Variants in ACO2 observed in about 807,000 individuals in gnomAD.
ACO2 encodes the protein aconitase 2, also known as aconitate hydratase, mitochondrial.
A neutral mutation model predicts 84.5 loss-of-function variants in ACO2; 31 were observed. That is an observed-to-expected ratio of 0.37 (90% CI 0.28 to 0.50). ACO2 has a LOEUF of 0.50. ACO2 is among the 20% of genes least tolerant of loss of function. ACO2 has a pLI of 0.97. For missense variants in ACO2, 685 were observed against 1,029.3 expected (o/e 0.67, Z 4.58); for synonymous variants, 414 against 412.7 (o/e 1.00, Z -0.04).
intron 1 of ACO2, among the ~76,000 whole-genome samples, chr22:41,487,058 A>G (rs960118800): frequency 6.6e-6 from 1 of 151,606 alleles, no homozygotes; most frequent in Non-Finnish European, 1.5e-5. Flanking sequence ...TAATTTTTGT[A>G]TTTTTGATAG....
chr22:41,522,232 T>C (rs1308340891), intron 9 of ACO2, among the ~76,000 whole-genome samples: 1 of 152,048 alleles, frequency 6.6e-6, no homozygotes, highest in East Asian at 1.9e-4. Context: ...ACTCAGGAAG[T>C]TGAGGCAGGA....
At chr22:41,495,567 A>G (rs2066306717) in intron 1 of ACO2, among the ~76,000 whole-genome samples, 2 of 151,942 alleles carry the variant, frequency 1.3e-5, no homozygotes, top group Admixed American at 1.3e-4. Context: ...AGATAAGATT[A>G]CAATGTATTG....
At chr22:41,527,052 C>T in intron 15 of ACO2, 1 of 604,650 alleles carries the variant, frequency 1.7e-6, no homozygotes, top group Non-Finnish European at 2.9e-6. Context: ...TGGCTTCTGT[C>T]TTCTTTGCCA....
At chr22:41,487,029 G>A (rs1030919596) in intron 1 of ACO2, among the ~76,000 whole-genome samples, 11 of 151,860 alleles carry the variant, frequency 7.2e-5, no homozygotes, top group African/African-American at 2.2e-4. Flanking sequence ...GATTACAGGC[G>A]CCCACCACTA....
intron 1 of ACO2, among the ~76,000 whole-genome samples, chr22:41,476,873 G>C (rs951621645): frequency 6.6e-6 from 1 of 151,460 alleles, no homozygotes; most frequent in Non-Finnish European, 1.5e-5. Context: ...AATGGGCCAG[G>C]CATGGTAGCT....
At chr22:41,492,759 G>T (rs879769897) in intron 1 of ACO2, among the ~76,000 whole-genome samples, 1 of 151,920 alleles carries the variant, frequency 6.6e-6, no homozygotes, top group Non-Finnish European at 1.5e-5. Flanking sequence ...GGCAACAAGA[G>T]CTAAACTCCA....
intron 1 of ACO2, among the ~76,000 whole-genome samples, chr22:41,496,881 A>G (rs2066317703): frequency 6.6e-6 from 1 of 152,014 alleles, no homozygotes; most frequent in South Asian, 2.1e-4. Flanking sequence ...CGAACAGGGA[A>G]TGGCTGCTCT....
At chr22:41,476,658 C>T (rs539716499) in intron 1 of ACO2, among the ~76,000 whole-genome samples, 13 of 151,966 alleles carry the variant, frequency 8.6e-5, no homozygotes, top group African/African-American at 2.4e-4. Context: ...TGCAATGAGC[C>T]GAGATTGCGC....
chr22:41,506,242 C>G (rs548594989), intron 2 of ACO2, among the ~76,000 whole-genome samples: 6 of 151,922 alleles, frequency 3.9e-5, no homozygotes, highest in Admixed American at 3.9e-4. Context: ...CACGCATCAC[C>G]CTGTCTGGCT....
rs748713048 is a variant in ACO2 at position 41,528,062 on chromosome 22, G to A, written c.2208+40G>A. 1.5e-5 allele frequency: 25 copies of A among 1,613,190 alleles called. No homozygotes were observed. The East Asian group carries it at 4.0e-4, about 26-fold the overall frequency. ...TCCCCCTGAGGTGGTGGGGTGAGGGGCAGCCACCTTGTTTCCCCTCCTGCA... is the reference window on the plus strand; with the variant it reads ...TCCCCCTGAGGTGGTGGGGTGAGGGACAGCCACCTTGTTTCCCCTCCTGCA... On this transcript the variant is annotated intron_variant, in intron 17 of 17. Coordinates refer to ENST00000216254, the MANE Select transcript of ACO2 (RefSeq NM_001098.3).
rs5758372 is a variant in ACO2 at position 41,476,220 on chromosome 22, C to T, written c.36+7038C>T. On this transcript the variant is annotated intron_variant, in intron 1 of 17. Coordinates refer to ENST00000216254, the MANE Select transcript of ACO2 (RefSeq NM_001098.3). ...GTCAGGAGCTCAAGACCAGCCTGAC[C>T]AACATGGTGAAACCCCGTCTGTACT... Among the ~76,000 whole-genome samples, 2,605 of 151,916 alleles carry T rather than the reference C, an allele frequency of 0.017. 568 individuals carry two copies. The East Asian group carries it at 0.45, about 26-fold the overall frequency.
chr22:41,510,475 G>A (rs1432005458), intron 3 of ACO2, among the ~76,000 whole-genome samples: 1 of 152,200 alleles, frequency 6.6e-6, no homozygotes, highest in African/African-American at 2.4e-5. Flanking sequence ...GAACCCAGTG[G>A]GCCTTCAGAG....
chr22:41,506,531 GC>G (rs1171363273), intron 2 of ACO2, among the ~76,000 whole-genome samples: 2 of 152,110 alleles, frequency 1.3e-5, no homozygotes, highest in East Asian at 3.9e-4. Flanking sequence ...GAGATTACAG[GC>G]ATGAGCCACC....
chr22:41,521,403 T>A (rs2066525468), intron 9 of ACO2: 1 of 152,286 alleles, frequency 6.6e-6, no homozygotes, highest in South Asian at 2.1e-4. Context: ...ATCCTGGCTC[T>A]GCCACCTAAC....
At position 41,515,233 on chromosome 22, in the gene ACO2, G is replaced by A. The variant is rs962045491; in HGVS notation, c.526-144G>A. ...GGCTCTTCTTGGCCACCCTGGAGAC[G>A]GCCTGGATTAAATGGGGCTGCTCCT... On this transcript the variant is annotated intron_variant, in intron 4 of 17. Transcript: ENST00000216254. This position sits in a 1 kb window ranked among gnomAD's most constrained non-coding sequence, Gnocchi z 5.8. 2.4e-5 allele frequency: 23 copies of A among 952,580 alleles called. No homozygotes were observed. The East Asian group carries it at 5.5e-4, about 23-fold the overall frequency. 59.0% of individuals were successfully genotyped at this position (952,580 alleles called of 1,614,324 possible).
In ACO2 at chr22:41,504,711, CTTTTTTTTTTT is replaced by C. The variant is rs926246283; in HGVS notation, c.174-3060_174-3050del. On this transcript the variant is annotated intron_variant, in intron 2 of 17. Coordinates refer to ENST00000216254, the MANE Select transcript of ACO2 (RefSeq NM_001098.3). ...GCCAGCAGATCCAGCACCTTAGGGA[CTTTTTTTTTTT>C]TTTTTTTTTTTTTTTTTTTGAGGTA... Among the ~76,000 whole-genome samples, 239 of 48,590 alleles carry C rather than the reference CTTTTTTTTTTT, an allele frequency of 4.9e-3. 1 individual carries two copies. The highest frequency in any genetic ancestry group is 0.016 in the African/African-American group (205 of 12,920). 31.9% of individuals were successfully genotyped at this position (48,590 alleles called of 152,430 possible).
At chr22:41,485,647 GT>G (rs1304964512) in intron 1 of ACO2, among the ~76,000 whole-genome samples, 1 of 151,708 alleles carries the variant, frequency 6.6e-6, no homozygotes, top group Non-Finnish European at 1.5e-5. Context: ...GTTTCACTGT[GT>G]TAGCCAGGAT....
At chr22:41,493,331 T>C (rs1336054083) in intron 1 of ACO2, among the ~76,000 whole-genome samples, 1 of 152,110 alleles carries the variant, frequency 6.6e-6, no homozygotes, top group African/African-American at 2.4e-5. Context: ...GTAAGCATAT[T>C]TCTTGCCCAT....
chr22:41,485,798 G>A (rs999117761), intron 1 of ACO2, among the ~76,000 whole-genome samples: 2 of 151,882 alleles, frequency 1.3e-5, no homozygotes, highest in Admixed American at 6.6e-5. Flanking sequence ...TGTTGGTCAG[G>A]CTGGTCTCAA....
Sources: gnomAD v4.1 joint callset for allele counts (sites outside exome capture counted in the v4.1 genomes callset) on GRCh38, gnomAD v4.1.1 for gene constraint, Gnocchi (gnomAD v3.1) non-coding constraint, MANE v1.5 for transcripts, NCBI Gene and HGNC (gene_info 2026-07-23, HGNC 2026-07-21) for gene names.